Variants in CLCN7 observed in about 807,000 individuals in gnomAD.
CLCN7 encodes the protein Cl-/H+ antiporter 7, also known as H(+)/Cl(-) exchange transporter 7.
CLCN7 carries 60 observed loss-of-function variants against 102.1 expected under a neutral mutation model. The ratio of observed to expected loss-of-function variants is 0.59; its 90% CI spans 0.48 to 0.73. CLCN7 has a LOEUF of 0.73. Ranked by LOEUF, CLCN7 falls within the 30% of genes least tolerant of loss-of-function variation. The pLI is 0.00. For synonymous variants in CLCN7, 560 were observed against 490.5 expected, an observed-to-expected ratio of 1.14 and a Z score of -1.87; for missense variants, 962 against 1,125.7, an observed-to-expected ratio of 0.85 and a Z score of 2.08.
At chr16:1,474,449 G>A (rs1291055720) in intron 1 of CLCN7, 3 of 340,748 alleles carry the variant, frequency 8.8e-6, no homozygotes, top group East Asian at 1.7e-4. Flanking sequence ...TGCTCGTGTA[G>A]GATGACAATT....
chr16:1,448,569 G>C, intron 20 of CLCN7, 85 bp from the exon 21 acceptor site: 1 of 1,601,152 alleles, frequency 6.2e-7, no homozygotes, highest in Non-Finnish European at 8.5e-7. Context: ...GTGTGAAGCC[G>C]CTGGACAGGA....
chr16:1,447,333 A>T, intron 23 of CLCN7, 59 bp downstream of exon 23: 2 of 1,367,360 alleles, frequency 1.5e-6, no homozygotes, highest in Non-Finnish European at 2.0e-6. Context: ...GAGGCTCTGG[A>T]CCCCACCCCC....
chr16:1,452,449 G>T, intron 15 of CLCN7: 1 of 431,730 alleles, frequency 2.3e-6, no homozygotes, highest in East Asian at 4.2e-5. Context: ...ATTTCTCCTG[G>T]GTCCACATCT....
chr16:1,456,705 G>T (rs531600491), intron 9 of CLCN7, among the ~76,000 whole-genome samples: 3 of 152,224 alleles, frequency 2.0e-5, no homozygotes, highest in African/African-American at 7.2e-5. Context: ...GCCAGGCGTG[G>T]TGGCGGGCAC....
intron 21 of CLCN7, 110 bp from the exon 22 acceptor site, chr16:1,447,824 G>A: frequency 4.0e-6 from 5 of 1,243,244 alleles, no homozygotes; most frequent in Non-Finnish European, 4.6e-6. Context: ...TCCCATCTGG[G>A]CATGGGCCCC....
At chr16:1,472,668 A>G (rs145309014) in intron 1 of CLCN7, 16 of 152,282 alleles carry the variant, frequency 1.1e-4, no homozygotes, top group African/African-American at 3.9e-4. Context: ...CAAGGTTCCT[A>G]ATCTTTACCT....
At chr16:1,453,944 C>CGGAGGCCCGCA in intron 13 of CLCN7, 50 bp from the exon 14 acceptor site, 1 of 1,560,170 alleles carries the variant, frequency 6.4e-7, no homozygotes, top group Non-Finnish European at 8.7e-7. Flanking sequence ...AAAGTGCGGG[C>CGGAGGCCCGCA]CTCCGCCCGC....
At chr16:1,452,538 C>T (rs911406424) in intron 15 of CLCN7, 3 of 592,380 alleles carry the variant, frequency 5.1e-6, no homozygotes, top group East Asian at 2.9e-5. Context: ...AGCCTCTGGC[C>T]CCCATACCAC....
rs1328776862 is a variant in CLCN7, at chr16:1,447,407, G to C, written c.2235C>G (p.Pro745=). 1.3e-6 allele frequency: 2 copies of C among 1,550,188 alleles called. No individual in the cohort carries two copies. The highest frequency in any genetic ancestry group is 4.9e-5 in the East Asian group (2 of 40,958). The stretch of plus-strand genomic sequence containing the variant: ...CTGCACATGCCTGGGGCACCGTGTA[G>C]GGGGAGGGGTTCATGAACTCGGAGA... ...MDLSEFMNPS[P]YTVPQEASLP... Residue 745 remains proline (P), a synonymous_variant, in exon 23 of 25, where the codon CCC becomes CCG. Transcript: ENST00000382745.
At chr16:1,465,415 CACCCTGGCCTCGCCTG>C in intron 1 of CLCN7, 77 bp from the exon 2 acceptor site, 1 of 1,326,738 alleles carries the variant, frequency 7.5e-7, no homozygotes, top group African/African-American at 1.5e-5. Context: ...CCCGCCGCCG[CACCCTGGCCTCGCCTG>C]ACCCTGCCCG....
In CLCN7 at chr16:1,451,677, C is replaced by T. The variant is rs2038753897; in HGVS notation, c.1393G>A (p.Ala465Thr). 1 of 1,612,684 alleles carries T rather than the reference C, an allele frequency of 6.2e-7. No homozygotes were observed. The highest frequency in any genetic ancestry group is 1.3e-5 in the African/African-American group (1 of 74,922). ...ADGEYNSMAA[A>T]FFNTPEKSVV... ...CTCTTCTCCGGGGTGTTGAAGAAGG[C>T]CGCAGCCATGGAGTTGTACTCGCCA... Residue 465 changes from alanine (A) to threonine (T), a missense_variant, in exon 16 of 25, where the codon GCC (alanine) becomes ACC (threonine). This residue lies in a region of CLCN7 where 799 missense variants were observed against 988.0 expected (regional missense o/e 0.81). Transcript: ENST00000382745.
In CLCN7 at chr16:1,446,990, C is replaced by T; in HGVS notation, c.2331+16G>A. 1 of 1,567,654 alleles carries T rather than the reference C, an allele frequency of 6.4e-7. No individual in the cohort carries two copies. The highest frequency in any genetic ancestry group is 8.6e-7 in the Non-Finnish European group (1 of 1,160,680). On this transcript the variant is annotated intron_variant, in intron 24 of 24. Coordinates refer to ENST00000382745, the MANE Select transcript of CLCN7 (RefSeq NM_001287.6). ...GCCCTGCACGGCATGCCTGCACCCC[C>T]ACCGCCCCCGCTCACCTGATTGCGG...
rs1382497213 is a variant in CLCN7 at position 1,449,332 on chromosome 16, G to T, written c.1618-5C>A. 1 of 1,582,734 alleles carries T rather than the reference G, an allele frequency of 6.3e-7. No homozygotes were observed. ...TTTGCCGGGGTCCGCCCAGATCTGT[G>T]GGAGGTGACACGGAGGAGGTGTCAG... is the stretch of plus-strand genomic sequence containing the variant. On this transcript the variant is annotated splice_polypyrimidine_tract_variant and splice_region_variant and intron_variant, in intron 17 of 24. Transcript: ENST00000382745.
rs926766222 is a variant in CLCN7 at position 1,473,619 on chromosome 16, C to T, written c.141+1215G>A. On this transcript the variant is annotated intron_variant, in intron 1 of 24. Transcript: ENST00000382745. ...CAATCTCCTGACCTCATGATCCACC[C>T]GCCTCGGCCTCCCAAAGTGCTGGGA... 7.3e-5 allele frequency among the ~76,000 whole-genome samples: 11 copies of T among 150,844 alleles called. No individual in the cohort carries two copies. The East Asian group carries it at 1.2e-3, about 16-fold the overall frequency.
At chr16:1,450,443 G>A (rs552361426) in intron 17 of CLCN7, 54 bp downstream of exon 17, 21 of 1,517,926 alleles carry the variant, frequency 1.4e-5, no homozygotes, top group East Asian at 9.6e-5. Context: ...CCGCGATGCC[G>A]CAAGACCTGG....
chr16:1,446,056 G>A lies in CLCN7; in HGVS notation c.*575C>T, dbSNP rs1040058145. On this transcript the variant is annotated 3_prime_UTR_variant, in exon 25 of 25. Coordinates refer to ENST00000382745, the MANE Select transcript of CLCN7 (RefSeq NM_001287.6). ...GGAGTGCACGTGGGGCTCCTCTGTGGCGCCAGTGTGAAGCTGCTCTCCGGG... is the reference window on the plus strand; with the variant it reads ...GGAGTGCACGTGGGGCTCCTCTGTGACGCCAGTGTGAAGCTGCTCTCCGGG... 3.4e-6 allele frequency: 2 copies of A among 579,870 alleles called. No homozygotes were observed. Among genetic ancestry groups the A allele is most frequent in the Non-Finnish European group, 6.1e-6 (2 of 327,676 alleles). 35.9% of individuals were successfully genotyped at this position (579,870 alleles called of 1,614,324 possible).
At chr16:1,464,957 C>A (rs545008136) in intron 2 of CLCN7, among the ~76,000 whole-genome samples, 12 of 135,148 alleles carry the variant, frequency 8.9e-5, no homozygotes, top group African/African-American at 3.0e-4. Context: ...TCTCCTGGGG[C>A]TCCTCACTGC....
In CLCN7 at chr16:1,446,069, G is replaced by C. The variant is rs1389229029; in HGVS notation, c.*562C>G. On this transcript the variant is annotated 3_prime_UTR_variant, in exon 25 of 25. Transcript: ENST00000382745. ...GGCTCCTCTGTGGCGCCAGTGTGAAGCTGCTCTCCGGGGCGGTCGCAGCCT... is the reference window on the plus strand; with the variant it reads ...GGCTCCTCTGTGGCGCCAGTGTGAACCTGCTCTCCGGGGCGGTCGCAGCCT... 1.5e-5 allele frequency: 9 copies of C among 585,558 alleles called. No homozygotes were observed. The highest frequency in any genetic ancestry group is 2.7e-5 in the Non-Finnish European group (9 of 330,702). The allele number at this position is 585,558 out of a possible 1,614,324, so 36.3% of individuals were successfully genotyped here.
intron 4 of CLCN7, 84 bp from the exon 5 acceptor site, chr16:1,461,032 A>G (rs138161010): frequency 1.3e-6 from 2 of 1,535,334 alleles, no homozygotes; most frequent in Non-Finnish European, 1.8e-6. Context: ...GACCGCCTGC[A>G]GGCCCCGGGA....
Sources: allele counts gnomAD v4.1 joint callset (sites outside exome capture counted in the v4.1 genomes callset), GRCh38; gene constraint gnomAD v4.1.1; regional missense constraint gnomAD v4.1.1; transcripts MANE v1.5; gene names NCBI Gene and HGNC (gene_info 2026-07-23, HGNC 2026-07-21).